GNAI1: variants seen among roughly 807,000 people sequenced by gnomAD.
GNAI1 encodes the protein G protein subunit alpha i1.
Under a neutral mutation model 38.9 loss-of-function variants are expected in GNAI1, and 11 were observed. The ratio of observed to expected loss-of-function variants is 0.28; its 90% CI spans 0.18 to 0.47. The LOEUF is 0.47. GNAI1 is among the 20% of genes least tolerant of loss of function. GNAI1 has a pLI of 0.99. For synonymous variants in GNAI1, 166 were observed against 145.1 expected (o/e 1.14, Z -1.04); for missense variants, 317 against 436.9 (o/e 0.73, Z 2.45).
At position 80,218,815 on chromosome 7, in the gene GNAI1, A is replaced by C. The variant is rs2115731932; in HGVS notation, c.*1322A>C. 6.6e-6 allele frequency: 1 copy of C among 152,226 alleles called. No homozygotes were observed. The highest frequency in any genetic ancestry group is 1.9e-4 in the East Asian group (1 of 5,176). The allele number at this position is 152,226 out of a possible 1,614,324, so 9.4% of individuals were successfully genotyped here. A position where few individuals can be genotyped will look rare whatever the true frequency, so the allele number is the denominator to read the frequency against. ...CAGTGATTATATGTGTGCTCAAATAAGTGTTATGTATCAGCTAGATACTGA... is the reference window on the plus strand; with the variant it reads ...CAGTGATTATATGTGTGCTCAAATACGTGTTATGTATCAGCTAGATACTGA... On this transcript the variant is annotated 3_prime_UTR_variant, in exon 8 of 8. Coordinates refer to ENST00000649796, the MANE Select transcript of GNAI1 (RefSeq NM_002069.6).
intron 1 of GNAI1, among the ~76,000 whole-genome samples, chr7:80,140,638 C>T (rs1249937484): frequency 6.6e-6 from 1 of 152,164 alleles, no homozygotes; most frequent in African/African-American, 2.4e-5. Flanking sequence ...GTCTTACGAA[C>T]TAAGGTCAGC....
chr7:80,146,336 T>C (rs1229486581), intron 1 of GNAI1, among the ~76,000 whole-genome samples: 3 of 152,176 alleles, frequency 2.0e-5, no homozygotes, highest in Admixed American at 6.5e-5. Context: ...TCCATTTTTG[T>C]CTGGATGATA....
intron 1 of GNAI1, among the ~76,000 whole-genome samples, chr7:80,154,972 A>G (rs1424741961): frequency 1.1e-4 from 16 of 152,170 alleles, no homozygotes; most frequent in Admixed American, 8.5e-4. Flanking sequence ...TTAGTGAGAT[A>G]TATTACTAGA....
intron 1 of GNAI1, among the ~76,000 whole-genome samples, chr7:80,176,567 G>A (rs1040160938): frequency 6.6e-6 from 1 of 152,300 alleles, no homozygotes; most frequent in Middle Eastern, 3.4e-3. Context: ...TCTCTTGTTA[G>A]GGGCTAATGC....
chr7:80,199,161 TCCTTTG>T, intron 3 of GNAI1, 58 bp from the exon 4 acceptor site: 1 of 1,114,568 alleles, frequency 9.0e-7, no homozygotes, highest in Non-Finnish European at 1.3e-6. Flanking sequence ...TAGAATTGTC[TCCTTTG>T]TACTTTTTAT....
chr7:80,215,021 G>A (rs1050244206), intron 7 of GNAI1, among the ~76,000 whole-genome samples: 1 of 152,116 alleles, frequency 6.6e-6, no homozygotes, highest in Non-Finnish European at 1.5e-5. Flanking sequence ...AGCTCAAACA[G>A]AACTCTTTTT....
chr7:80,157,241 T>C (rs1467182114), intron 1 of GNAI1, among the ~76,000 whole-genome samples: 3 of 152,240 alleles, frequency 2.0e-5, no homozygotes, highest in Non-Finnish European at 4.4e-5. Flanking sequence ...GCCTTTTCAC[T>C]TAATAATATG....
intron 1 of GNAI1, among the ~76,000 whole-genome samples, chr7:80,136,556 C>CT (rs1787419959): frequency 1.3e-5 from 2 of 152,194 alleles, no homozygotes; most frequent in East Asian, 1.9e-4. Context: ...ACCTGGGTGG[C>CT]TTTTTTCACC....
chr7:80,159,612 C>T (rs935975980), intron 1 of GNAI1, among the ~76,000 whole-genome samples: 1 of 152,150 alleles, frequency 6.6e-6, no homozygotes, highest in African/African-American at 2.4e-5. Flanking sequence ...TTTATTATTT[C>T]TTTGTGCTGA....
chr7:80,146,930 G>C (rs1340055892), intron 1 of GNAI1, among the ~76,000 whole-genome samples: 1 of 152,134 alleles, frequency 6.6e-6, no homozygotes, highest in Admixed American at 6.5e-5. Context: ...CTGTTTTATA[G>C]TTAAACTTCT....
At chr7:80,188,204 T>A (rs1788421506) in intron 1 of GNAI1, among the ~76,000 whole-genome samples, 1 of 152,216 alleles carries the variant, frequency 6.6e-6, no homozygotes, top group Non-Finnish European at 1.5e-5. Flanking sequence ...TGTTTGAACA[T>A]CTGATATTTT....
In GNAI1 at chr7:80,199,383, G is replaced by A; in HGVS notation, c.461+1G>A. 6.3e-7 allele frequency: 1 copy of A among 1,587,258 alleles called. No homozygotes were observed. The highest frequency in any genetic ancestry group is 8.6e-7 in the Non-Finnish European group (1 of 1,163,884). The stretch of plus-strand genomic sequence containing the variant: ...ACCAGCTTAATGATTCTGCAGCATA[G>A]TAAGTAATCATAACTTCAGAACTAA... On this transcript the variant is annotated splice_donor_variant, in intron 4 of 7. Transcript: ENST00000649796. LOFTEE classifies it high-confidence loss of function.
rs186464451 is a variant in GNAI1, at chr7:80,202,313, T to C, written c.462-1391T>C. On this transcript the variant is annotated intron_variant, in intron 4 of 7. Coordinates refer to ENST00000649796, the MANE Select transcript of GNAI1 (RefSeq NM_002069.6). ...CCATGTTGGCCAGGATGGTCTTGAT[T>C]GCCTGACCTCGTGATCCGCCCACCT... 1.1e-4 allele frequency among the ~76,000 whole-genome samples: 16 copies of C among 152,160 alleles called. No individual in the cohort carries two copies. The South Asian group carries it at 2.9e-3, about 28-fold the overall frequency.
intron 5 of GNAI1, 143 bp from the exon 6 acceptor site, chr7:80,210,826 T>C: frequency 7.5e-6 from 4 of 536,148 alleles, no homozygotes; most frequent in Non-Finnish European, 1.2e-5. Flanking sequence ...TTGTGACATT[T>C]TTTTCTCCCA....
At chr7:80,142,898 G>A (rs947975685) in intron 1 of GNAI1, among the ~76,000 whole-genome samples, 13 of 152,006 alleles carry the variant, frequency 8.6e-5, no homozygotes, top group African/African-American at 3.1e-4. Context: ...AATATTCTGG[G>A]AACTTTGTTT....
chr7:80,211,061 G>A lies in GNAI1; in HGVS notation c.683G>A (p.Ser228Asn). The change falls in exon 6 of 8, where the codon AGT becomes AAT. Residue 228 changes from serine (S) to asparagine (N), a missense_variant. Ser to Asn is a conservative substitution (Grantham distance 46, BLOSUM62 1). Around this residue, in one of 5 missense-constraint regions of GNAI1, gnomAD observed 158 missense variants for 234.7 expected, o/e 0.67. Coordinates refer to ENST00000649796, the MANE Select transcript of GNAI1 (RefSeq NM_002069.6). ...GCGATCATCTTCTGTGTAGCACTGA[G>A]TGACTACGACCTGGTTCTAGCTGAA... ...VTAIIFCVAL[S>N]DYDLVLAEDE... The A allele has an allele frequency of 6.2e-7, 1 of 1,613,344 alleles. No individual in the cohort carries two copies.
At chr7:80,146,202 G>C (rs1787618345) in intron 1 of GNAI1, among the ~76,000 whole-genome samples, 1 of 152,030 alleles carries the variant, frequency 6.6e-6, no homozygotes, top group African/African-American at 2.4e-5. Flanking sequence ...TTAAGATATG[G>C]GTCTGACTCT....
At chr7:80,207,944 C>G (rs1452288905) in intron 5 of GNAI1, among the ~76,000 whole-genome samples, 1 of 151,990 alleles carries the variant, frequency 6.6e-6, no homozygotes, top group Non-Finnish European at 1.5e-5. Flanking sequence ...AGCATTCTTT[C>G]TATCCTAAAA....
intron 1 of GNAI1, among the ~76,000 whole-genome samples, chr7:80,184,716 T>C (rs1456033859): frequency 9.2e-5 from 14 of 152,180 alleles, no homozygotes; most frequent in Admixed American, 9.2e-4. Context: ...CAACCTCCTG[T>C]CCATCACCTG....
Sources: gnomAD v4.1 joint callset for allele counts (sites outside exome capture counted in the v4.1 genomes callset) on GRCh38, gnomAD v4.1.1 for gene constraint, gnomAD v4.1.1 regional missense constraint, MANE v1.5 for transcripts, NCBI Gene and HGNC (gene_info 2026-07-23, HGNC 2026-07-21) for gene names.